The following TENM2 variants were observed in gnomAD, a reference collection of about 807,000 sequenced individuals.
TENM2 encodes teneurin transmembrane protein 2, also known as teneurin-2.
TENM2 carries 52 observed loss-of-function variants against 245.2 expected under a neutral mutation model. The observed-to-expected ratio is 0.21, with a 90% CI of 0.17 to 0.27. TENM2 has a LOEUF of 0.27. Among genes scored for constraint, TENM2 ranks in the 10% least tolerant of loss-of-function variants. TENM2 has a pLI of 1.00. For synonymous variants in TENM2, 1,363 were observed against 1,438.9 expected, an observed-to-expected ratio of 0.95 and a Z score of 1.19; for missense variants, 3,046 against 3,666.8, an observed-to-expected ratio of 0.83 and a Z score of 4.37.
intron 2 of TENM2, among the ~76,000 whole-genome samples, chr5:167,628,514 T>C (rs1302684278): frequency 6.6e-6 from 1 of 152,164 alleles, no homozygotes; most frequent in Non-Finnish European, 1.5e-5. Context: ...GTGTTCTACC[T>C]CCTAAAACTA....
intron 2 of TENM2, among the ~76,000 whole-genome samples, chr5:167,640,739 C>T (rs1395351722): frequency 1.3e-5 from 2 of 149,234 alleles, no homozygotes; most frequent in African/African-American, 4.9e-5. Flanking sequence ...TTGTTACGTA[C>T]ACTTTTAAAT....
intron 2 of TENM2, among the ~76,000 whole-genome samples, chr5:167,579,744 G>C (rs1008748667): frequency 2.0e-5 from 3 of 152,156 alleles, no homozygotes; most frequent in African/African-American, 7.2e-5. Flanking sequence ...GATGGTCAAA[G>C]ACAGTTTACC....
chr5:167,422,331 T>C (rs1017733275), intron 2 of TENM2, among the ~76,000 whole-genome samples: 3 of 152,204 alleles, frequency 2.0e-5, no homozygotes, highest in African/African-American at 7.2e-5. Context: ...AACATAATAA[T>C]TTCTCATTTT....
At chr5:167,885,919 G>A (rs760129020) in intron 3 of TENM2, among the ~76,000 whole-genome samples, 1 of 152,164 alleles carries the variant, frequency 6.6e-6, no homozygotes, top group African/African-American at 2.4e-5. Flanking sequence ...CTGACCTCAG[G>A]TGATCCACTC....
intron 12 of TENM2, among the ~76,000 whole-genome samples, chr5:168,162,137 G>A (rs1437731094): frequency 6.6e-6 from 1 of 152,154 alleles, no homozygotes; most frequent in African/African-American, 2.4e-5. Context: ...ATAATCCTAT[G>A]TAAATATATC....
intron 2 of TENM2, among the ~76,000 whole-genome samples, chr5:167,650,882 T>A (rs1479493609): frequency 6.6e-6 from 1 of 152,154 alleles, no homozygotes; most frequent in African/African-American, 2.4e-5. Flanking sequence ...TGTTTCTTGA[T>A]TTCAGTATAA....
At chr5:167,997,438 G>A (rs1446314114) in intron 5 of TENM2, among the ~76,000 whole-genome samples, 7 of 152,116 alleles carry the variant, frequency 4.6e-5, no homozygotes, top group African/African-American at 1.2e-4. Flanking sequence ...TAGCCCCTCC[G>A]CAGTATTATA....
the TENM2 span, among the ~76,000 whole-genome samples, chr5:167,235,078 G>T: frequency 0.21 from 31,678 of 152,012 alleles, 3,876 homozygotes; most frequent in African/African-American, 0.34. Flanking sequence ...AGAAGCTAGA[G>T]GTCCAAGATT....
Position 167,363,739 on chromosome 5 carries a change from A to AAAAG in TENM2, c.227-11456_227-11455insGAAA, listed in dbSNP as rs748097906. On this transcript the variant is annotated intron_variant, in intron 1 of 28. Coordinates refer to ENST00000518659, the Ensembl canonical transcript of TENM2. Reference sequence around the variant, plus strand: ...AAGCGAGACTCCATCTCAAAAAAAAAAAAAAAAGAAAAGAAAAAGAAAAAA... The same window carrying AAAAG: ...AAGCGAGACTCCATCTCAAAAAAAAAAAAGAAAAAAAGAAAAGAAAAAGAAAAAA... Among the ~76,000 whole-genome samples, 155 of 150,876 alleles carry AAAAG rather than the reference A, an allele frequency of 1.0e-3. 1 individual carries two copies. The highest frequency in any genetic ancestry group is 2.0e-3 in the Non-Finnish European group (138 of 67,674).
the TENM2 span, among the ~76,000 whole-genome samples, chr5:167,218,582 G>A: frequency 3.4e-3 from 521 of 152,180 alleles, 4 homozygotes; most frequent in African/African-American, 0.012. Context: ...TGCCTTAACA[G>A]CTTGGCAAAG....
At chr5:167,032,504 A>T in the TENM2 span, among the ~76,000 whole-genome samples, 8 of 152,224 alleles carry the variant, frequency 5.3e-5, no homozygotes, top group Non-Finnish European at 1.2e-4. Flanking sequence ...CACTTTTTAT[A>T]GTTCACAATA....
intron 2 of TENM2, among the ~76,000 whole-genome samples, chr5:167,592,772 G>T (rs1278119229): frequency 2.6e-5 from 4 of 152,070 alleles, no homozygotes; most frequent in Non-Finnish European, 5.9e-5. Flanking sequence ...TTACAGATAA[G>T]CTCTTATTTA....
rs1763065189 is a variant in TENM2 at position 168,215,024 on chromosome 5, GCTT to G, written c.3846-10_3846-8del. On this transcript the variant is annotated splice_polypyrimidine_tract_variant and intron_variant, in intron 20 of 28. Coordinates refer to ENST00000518659, the Ensembl canonical transcript of TENM2. ...TAGCCCCCTCCTCATTTCTCTTTGTGCTTCTTCTACTAAAGCAACAACCCAGCA... is the reference window on the plus strand; with the variant it reads ...TAGCCCCCTCCTCATTTCTCTTTGTGCTTCTACTAAAGCAACAACCCAGCA... 2.5e-6 allele frequency: 4 copies of G among 1,611,796 alleles called. No homozygotes were observed. The highest frequency in any genetic ancestry group is 2.7e-5 in the African/African-American group (2 of 74,740).
intron 5 of TENM2, among the ~76,000 whole-genome samples, chr5:168,019,487 T>C (rs1785952929): frequency 6.6e-6 from 1 of 151,890 alleles, no homozygotes; most frequent in South Asian, 2.1e-4. Context: ...ATCATAGAGG[T>C]TGAATGTCCT....
intron 2 of TENM2, among the ~76,000 whole-genome samples, chr5:167,427,202 C>T (rs1400737521): frequency 1.3e-5 from 2 of 152,090 alleles, no homozygotes; most frequent in South Asian, 2.1e-4. Flanking sequence ...GGCTGTAATA[C>T]CAACACTTTG....
At chr5:167,688,940 A>T (rs1428294950) in intron 2 of TENM2, among the ~76,000 whole-genome samples, 1 of 151,704 alleles carries the variant, frequency 6.6e-6, no homozygotes, top group Non-Finnish European at 1.5e-5. Context: ...ATGCTGACAG[A>T]ACATTTTTTT....
intron 1 of TENM2, among the ~76,000 whole-genome samples, chr5:167,345,011 G>C (rs926564814): frequency 6.6e-6 from 1 of 152,208 alleles, no homozygotes; most frequent in Admixed American, 6.5e-5. Context: ...GGCAGAGAGA[G>C]AATCTCTGCT....
intron 4 of TENM2, among the ~76,000 whole-genome samples, chr5:167,966,283 C>A (rs1385634860): frequency 6.6e-6 from 1 of 152,192 alleles, no homozygotes; most frequent in East Asian, 1.9e-4. Context: ...TTTAGCTCTG[C>A]AACTCGTAGG....
At chr5:167,857,854 A>G (rs1771234528) in intron 2 of TENM2, among the ~76,000 whole-genome samples, 1 of 152,236 alleles carries the variant, frequency 6.6e-6, no homozygotes, top group Non-Finnish European at 1.5e-5. Flanking sequence ...AAACTTAAGT[A>G]CTGGAGAGGA....
Sources: gnomAD v4.1 joint callset for allele counts (sites outside exome capture counted in the v4.1 genomes callset) on GRCh38, gnomAD v4.1.1 for gene constraint, MANE v1.5 for transcripts, NCBI Gene and HGNC (gene_info 2026-07-23, HGNC 2026-07-21) for gene names.